BAZ1A: variants seen among roughly 807,000 people sequenced by gnomAD.
The protein encoded by BAZ1A is bromodomain adjacent to zinc finger domain protein 1A.
Under a neutral mutation model 185.2 loss-of-function variants are expected in BAZ1A, and 50 were observed. The ratio of observed to expected loss-of-function variants is 0.27; its 90% CI spans 0.22 to 0.34. The LOEUF (loss-of-function observed/expected upper bound fraction) is 0.34, where lower values mean the gene tolerates loss of function less well. Ranked by LOEUF, BAZ1A falls within the 10% of genes least tolerant of loss-of-function variation. The pLI, the probability that BAZ1A is intolerant of heterozygous loss-of-function variation, is 1.00. For synonymous variants in BAZ1A, 571 were observed against 615.6 expected (o/e 0.93, Z 1.07); for missense variants, 1,356 against 1,839.9 (o/e 0.74, Z 4.81).
intron 3 of BAZ1A, among the ~76,000 whole-genome samples, chr14:34,827,731 T>C (rs1490554028): frequency 4.2e-5 from 4 of 95,294 alleles, no homozygotes; most frequent in African/African-American, 1.4e-4. Flanking sequence ...CAAGACTCTG[T>C]CTCAAAAAAA....
chr14:34,784,366 T>TC (rs1383552153), intron 14 of BAZ1A, among the ~76,000 whole-genome samples: 1,496 of 12,890 alleles, frequency 0.12, 193 homozygotes, highest in South Asian at 0.26. Context: ...AGACTCTGTC[T>TC]CAAAAAAAAA....
At chr14:34,830,539 G>A (rs1566585189) in intron 3 of BAZ1A, among the ~76,000 whole-genome samples, 1 of 152,158 alleles carries the variant, frequency 6.6e-6, no homozygotes, top group East Asian at 1.9e-4. Context: ...GGCAGTGTAA[G>A]GGGACAGGAG....
intron 4 of BAZ1A, among the ~76,000 whole-genome samples, chr14:34,820,968 A>C (rs2042080779): frequency 1.1e-5 from 1 of 94,210 alleles, no homozygotes; most frequent in Non-Finnish European, 2.7e-5. Context: ...GTGTAGTTTC[A>C]GAGTAAGTCT....
At chr14:34,758,354 G>A (rs977556245) in intron 25 of BAZ1A, among the ~76,000 whole-genome samples, 14 of 151,586 alleles carry the variant, frequency 9.2e-5, no homozygotes, top group African/African-American at 3.4e-4. Context: ...GGCCGAGGTG[G>A]GCAGATCACA....
At chr14:34,847,294 C>T (rs551921858) in intron 3 of BAZ1A, among the ~76,000 whole-genome samples, 5 of 150,696 alleles carry the variant, frequency 3.3e-5, no homozygotes, top group Non-Finnish European at 5.9e-5. Flanking sequence ...GAAAACAATG[C>T]TGAGATGTTG....
At chr14:34,868,977 A>G (rs901282705) in intron 2 of BAZ1A, among the ~76,000 whole-genome samples, 3 of 150,396 alleles carry the variant, frequency 2.0e-5, no homozygotes, top group African/African-American at 7.3e-5. Flanking sequence ...TTATATATGT[A>G]TATATATACT....
intron 23 of BAZ1A, among the ~76,000 whole-genome samples, chr14:34,763,896 T>C (rs1038396295): frequency 2.6e-5 from 4 of 152,186 alleles, no homozygotes; most frequent in Non-Finnish European, 5.9e-5. Context: ...TGCTGTGGTC[T>C]GGAATTGAAA....
chr14:34,865,822 G>A (rs773049235), intron 2 of BAZ1A, among the ~76,000 whole-genome samples: 5 of 152,088 alleles, frequency 3.3e-5, no homozygotes, highest in Non-Finnish European at 7.3e-5. Context: ...GAAAGGGAAG[G>A]GAAGAATTCA....
chr14:34,854,250 C>G (rs1021771956), intron 3 of BAZ1A, among the ~76,000 whole-genome samples: 54 of 151,918 alleles, frequency 3.6e-4, no homozygotes, highest in African/African-American at 1.3e-3. Context: ...AACATGGCAA[C>G]TCCCTGTCTA....
intron 10 of BAZ1A, 127 bp from the exon 11 acceptor site, chr14:34,795,014 G>C (rs1052972122): frequency 1.6e-6 from 2 of 1,257,940 alleles, no homozygotes; most frequent in African/African-American, 3.1e-5. Context: ...CTCAACCCTT[G>C]CTGTTTATCA....
chr14:34,799,385 A>T (rs1197343923), intron 9 of BAZ1A, among the ~76,000 whole-genome samples: 1 of 152,184 alleles, frequency 6.6e-6, no homozygotes, highest in Non-Finnish European at 1.5e-5. Flanking sequence ...AAGTATAATT[A>T]AAAAACAAAA....
In BAZ1A at chr14:34,791,320, C is replaced by A. The variant is rs553731507; in HGVS notation, c.1510+1455G>T. ...TCTGGAATTAAATACAGCTTTATGT[C>A]TTGTATTGTTAGAATTTGATCAATA... On this transcript the variant is annotated intron_variant, in intron 12 of 26. Coordinates refer to ENST00000360310, the MANE Select transcript of BAZ1A (RefSeq NM_013448.3). 3.9e-5 allele frequency among the ~76,000 whole-genome samples: 6 copies of A among 152,158 alleles called. 1 individual carries two copies. In the East Asian group the frequency reaches 1.2e-3, roughly 29 times the overall value.
chr14:34,793,760 T>C (rs1010777853), intron 11 of BAZ1A, among the ~76,000 whole-genome samples: 1 of 152,072 alleles, frequency 6.6e-6, no homozygotes, highest in Non-Finnish European at 1.5e-5. Flanking sequence ...CTGGCCAAAA[T>C]GGTGAAACCC....
chr14:34,807,373 T>C (rs1418564566), intron 6 of BAZ1A, 78 bp downstream of exon 6: 1 of 993,996 alleles, frequency 1.0e-6, no homozygotes, highest in African/African-American at 1.7e-5. Flanking sequence ...TGAAATAACA[T>C]TTCAGCAATG....
At chr14:34,819,162 AAAAAG>A (rs1234706484) in intron 4 of BAZ1A, among the ~76,000 whole-genome samples, 6 of 123,350 alleles carry the variant, frequency 4.9e-5, no homozygotes, top group Non-Finnish European at 1.0e-4. Flanking sequence ...AAAAAAAAAA[AAAAAG>A]AATGAATCTT....
At chr14:34,770,607 C>A (rs370272307) in intron 21 of BAZ1A, among the ~76,000 whole-genome samples, 6 of 148,954 alleles carry the variant, frequency 4.0e-5, no homozygotes, top group African/African-American at 1.6e-4. Context: ...CTCAAAAAAA[C>A]AACAGGGAAT....
intron 16 of BAZ1A, among the ~76,000 whole-genome samples, chr14:34,782,484 A>G (rs1880100834): frequency 1.3e-5 from 2 of 151,628 alleles, no homozygotes; most frequent in African/African-American, 4.8e-5. Context: ...CCTATTCTGA[A>G]TCTTTCAATT....
intron 4 of BAZ1A, among the ~76,000 whole-genome samples, chr14:34,825,679 T>C: frequency 6.6e-6 from 1 of 152,134 alleles, no homozygotes; most frequent in East Asian, 1.9e-4. Flanking sequence ...GGCTCATGCC[T>C]GTAATCCCAG....
At chr14:34,871,562 T>C (rs1372612454) in intron 2 of BAZ1A, among the ~76,000 whole-genome samples, 3 of 152,176 alleles carry the variant, frequency 2.0e-5, no homozygotes. Context: ...AGAGTTCAGG[T>C]TCTTGGAGAA....
Sources: gnomAD v4.1 joint callset for allele counts (sites outside exome capture counted in the v4.1 genomes callset) on GRCh38, gnomAD v4.1.1 for gene constraint, MANE v1.5 for transcripts, NCBI Gene and HGNC (gene_info 2026-07-23, HGNC 2026-07-21) for gene names.